Variants in HMGA1 observed in about 807,000 individuals in gnomAD.
The protein encoded by HMGA1 is high mobility group protein HMG-I/HMG-Y.
A neutral mutation model predicts 15.1 loss-of-function variants in HMGA1; 1 was observed. That is an observed-to-expected ratio of 0.07 (90% CI 0.02 to 0.31). HMGA1 has a LOEUF of 0.31. Ranked by LOEUF, HMGA1 falls within the 10% of genes least tolerant of loss-of-function variation. The pLI is 1.00. For synonymous variants in HMGA1, 56 were observed against 54.8 expected (o/e 1.02, Z -0.10); for missense variants, 94 against 141.4 (o/e 0.66, Z 1.70).
intron 5 of HMGA1, among the ~76,000 whole-genome samples, chr6:34,244,401 C>G (rs1306895370): frequency 1.3e-5 from 2 of 152,222 alleles, no homozygotes; most frequent in East Asian, 3.9e-4. Context: ...CAGCATCTGC[C>G]CCTGTGGGCC....
chr6:34,243,676 G>C (rs1212207026), intron 5 of HMGA1, among the ~76,000 whole-genome samples, 158 bp downstream of exon 5: 1 of 152,140 alleles, frequency 6.6e-6, no homozygotes, highest in African/African-American at 2.4e-5. Flanking sequence ...GAAGGTACCT[G>C]GCCTGGGCTG....
chr6:34,237,949 C>G (rs1055890858), intron 2 of HMGA1, among the ~76,000 whole-genome samples: 3 of 152,254 alleles, frequency 2.0e-5, no homozygotes, highest in Middle Eastern at 6.8e-3. Context: ...CCTCTTCAGC[C>G]CCAGGGGCCG....
intron 2 of HMGA1, among the ~76,000 whole-genome samples, chr6:34,240,207 C>T (rs140414131): frequency 6.6e-6 from 1 of 152,326 alleles, no homozygotes; most frequent in East Asian, 1.9e-4. Context: ...GAGTCTTGCA[C>T]CTTGCCAGAT....
chr6:34,237,194 C>CG lies in HMGA1; in HGVS notation c.-158-10_-158-9insG, dbSNP rs1161134680. ...GGTCTCTGAGCGCCTCTGCTCTCTC[C>CG]CGGTTTCAGATCCGCATTTGCTACC... On this transcript the variant is annotated splice_polypyrimidine_tract_variant and intron_variant, in intron 1 of 5. Coordinates refer to ENST00000311487, the MANE Select transcript of HMGA1 (RefSeq NM_145899.3). 8.2e-6 allele frequency: 1 copy of CG among 121,954 alleles called. No homozygotes were observed. The highest frequency in any genetic ancestry group is 1.8e-5 in the Non-Finnish European group (1 of 56,924). The allele number at this position is 121,954 out of a possible 1,614,324, so 7.6% of individuals were successfully genotyped here. A position where few individuals can be genotyped will look rare whatever the true frequency, so the allele number is the denominator to read the frequency against.
chr6:34,245,481 T>G lies in HMGA1; in HGVS notation c.*597T>G, dbSNP rs2127549012. 7.2e-7 allele frequency: 1 copy of G among 1,380,476 alleles called. No individual in the cohort carries two copies. The highest frequency in any genetic ancestry group is 3.4e-5 in the East Asian group (1 of 29,168). The allele number at this position is 1,380,476 out of a possible 1,614,324, so 85.5% of individuals were successfully genotyped here. On this transcript the variant is annotated 3_prime_UTR_variant, in exon 6 of 6. Transcript: ENST00000311487. Reference sequence around the variant, plus strand: ...GCTCACTTTTCATCCTTCCCCAACTTCCCTAGTCCCCGTACTAGGTTGGAC... The same window carrying G: ...GCTCACTTTTCATCCTTCCCCAACTGCCCTAGTCCCCGTACTAGGTTGGAC...
intron 2 of HMGA1, among the ~76,000 whole-genome samples, chr6:34,237,561 G>A (rs548660526): frequency 6.9e-6 from 1 of 145,774 alleles, no homozygotes; most frequent in African/African-American, 2.5e-5. Context: ...CCCTGCGGGG[G>A]GCGGGGACCC....
At chr6:34,237,864 C>T (rs556593641) in intron 2 of HMGA1, among the ~76,000 whole-genome samples, 5 of 152,040 alleles carry the variant, frequency 3.3e-5, no homozygotes, top group South Asian at 2.1e-4. Context: ...CTCTCGCGCC[C>T]CCTCCGCAGA....
At position 34,246,129 on chromosome 6, in the gene HMGA1, C is replaced by T. The variant is rs554398196; in HGVS notation, c.*1245C>T. ...AGGGTGTAGGGGCCACCTCCTCCCC[C>T]TGTTCTGTTGGGGAGGGGTAGCCAT... On this transcript the variant is annotated 3_prime_UTR_variant, in exon 6 of 6. Coordinates refer to ENST00000311487, the MANE Select transcript of HMGA1 (RefSeq NM_145899.3). 284 of 243,602 alleles carry T rather than the reference C, an allele frequency of 1.2e-3. 1 individual carries two copies. The highest frequency in any genetic ancestry group is 6.6e-3 in the Middle Eastern group (5 of 754). The allele number at this position is 243,602 out of a possible 1,614,324, so 15.1% of individuals were successfully genotyped here. A position where few individuals can be genotyped will look rare whatever the true frequency, so the allele number is the denominator to read the frequency against.
chr6:34,244,889 T>C lies in HMGA1; in HGVS notation c.*5T>C, dbSNP rs1331211392. On this transcript the variant is annotated 3_prime_UTR_variant, in exon 6 of 6. Coordinates refer to ENST00000311487, the MANE Select transcript of HMGA1 (RefSeq NM_145899.3). ...TCCTCGGAGGAGGAGCAGTGACCCA[T>C]GCGTGCCGCCTGCTCCTCACTGGAG... 29 of 1,556,972 alleles carry C rather than the reference T, an allele frequency of 1.9e-5. No individual in the cohort carries two copies. Among genetic ancestry groups the C allele is most frequent in the South Asian group, 5.9e-5 (5 of 84,552 alleles).
intron 2 of HMGA1, among the ~76,000 whole-genome samples, chr6:34,239,893 T>C (rs531405818): frequency 6.6e-6 from 1 of 152,186 alleles, no homozygotes; most frequent in South Asian, 2.1e-4. Flanking sequence ...CTAAACCTCA[T>C]CCTAAAGGAT....
rs1356090550 is a variant in HMGA1, at chr6:34,245,512, C to T, written c.*628C>T. 4 of 1,382,716 alleles carry T rather than the reference C, an allele frequency of 2.9e-6. No individual in the cohort carries two copies. Among genetic ancestry groups the T allele is most frequent in the Non-Finnish European group, 3.9e-6 (4 of 1,037,396 alleles). The allele number at this position is 1,382,716 out of a possible 1,614,324, so 85.7% of individuals were successfully genotyped here. On this transcript the variant is annotated 3_prime_UTR_variant, in exon 6 of 6. Coordinates refer to ENST00000311487, the MANE Select transcript of HMGA1 (RefSeq NM_145899.3). ...GTCCCCGTACTAGGTTGGACAGCCC[C>T]CTTCGGTTACAGGAAGGCAGGAGGG... is the stretch of plus-strand genomic sequence containing the variant.
At chr6:34,244,697 T>C in intron 5 of HMGA1, 134 bp from the exon 6 acceptor site, 1 of 748,162 alleles carries the variant, frequency 1.3e-6, no homozygotes, top group Non-Finnish European at 2.4e-6. Context: ...GGTTGCTGAG[T>C]CACCCACACA....
intron 4 of HMGA1, 69 bp downstream of exon 4, chr6:34,242,864 C>T: frequency 8.3e-7 from 1 of 1,211,656 alleles, no homozygotes; most frequent in South Asian, 1.3e-5. Flanking sequence ...GCACCATGGC[C>T]ACGGCTGTGG....
intron 2 of HMGA1, among the ~76,000 whole-genome samples, chr6:34,239,787 G>T (rs908085549): frequency 6.6e-6 from 1 of 152,150 alleles, no homozygotes; most frequent in African/African-American, 2.4e-5. Flanking sequence ...AGAAGTTTTA[G>T]GAAAACTCAA....
At chr6:34,237,002 A>G (rs1581784299) in intron 1 of HMGA1, 39 bp downstream of exon 1, 1 of 151,816 alleles carries the variant, frequency 6.6e-6, no homozygotes, top group Non-Finnish European at 1.5e-5. Flanking sequence ...TTTTTTTTAT[A>G]TCTATAATTT....
Position 34,245,105 on chromosome 6 carries a change from C to T in HMGA1, c.*221C>T, listed in dbSNP as rs548928964. 1.1e-4 allele frequency: 168 copies of T among 1,514,168 alleles called. No homozygotes were observed. Among genetic ancestry groups the T allele is most frequent in the Admixed American group, 1.4e-4 (7 of 50,078 alleles). The allele number at this position is 1,514,168 out of a possible 1,614,324, so 93.8% of individuals were successfully genotyped here. A position where few individuals can be genotyped will look rare whatever the true frequency, so the allele number is the denominator to read the frequency against. On this transcript the variant is annotated 3_prime_UTR_variant, in exon 6 of 6. Transcript: ENST00000311487. Reference sequence around the variant, plus strand: ...TGAGTGGGGAGCAGTTTTCCCCTGGCCTCAGTTCCCAGCTCCCCCCGCCCA... The same window carrying T: ...TGAGTGGGGAGCAGTTTTCCCCTGGTCTCAGTTCCCAGCTCCCCCCGCCCA...
rs769916402 is a variant in HMGA1, at chr6:34,240,772, G to C, written c.-9G>C. The C allele has an allele frequency of 3.1e-6, 5 of 1,612,190 alleles. No individual in the cohort carries two copies. The highest frequency in any genetic ancestry group is 4.2e-6 in the Non-Finnish European group (5 of 1,179,860). On this transcript the variant is annotated 5_prime_UTR_variant, in exon 3 of 6. Coordinates refer to ENST00000311487, the MANE Select transcript of HMGA1 (RefSeq NM_145899.3). ...ATCACTCTTCCACCTGCTCCTTAGA[G>C]AAGGGAAGATGAGTGAGTCGAGCTC... is the stretch of plus-strand genomic sequence containing the variant.
chr6:34,237,453 G>A (rs1405348536), intron 2 of HMGA1, 136 bp downstream of exon 2: 1 of 143,312 alleles, frequency 7.0e-6, no homozygotes, highest in South Asian at 2.1e-4. Context: ...GGGGCGGCGC[G>A]AGCCGGCGGC....
At chr6:34,243,665 G>A (rs1017524350) in intron 5 of HMGA1, 147 bp downstream of exon 5, 1 of 765,166 alleles carries the variant, frequency 1.3e-6, no homozygotes, top group Admixed American at 2.0e-5. Context: ...TCCAGAGAGG[G>A]GAAGGTACCT....
Sources: allele counts gnomAD v4.1 joint callset (sites outside exome capture counted in the v4.1 genomes callset), GRCh38; gene constraint gnomAD v4.1.1; transcripts MANE v1.5; gene names NCBI Gene and HGNC (gene_info 2026-07-23, HGNC 2026-07-21).